The following IRAK2 variants were observed in gnomAD, a reference collection of about 807,000 sequenced individuals.
The protein encoded by IRAK2 is interleukin-1 receptor-associated kinase-like 2.
Under a neutral mutation model 72.0 loss-of-function variants are expected in IRAK2, and 57 were observed. That is an observed-to-expected ratio of 0.79 (90% CI 0.64 to 0.99). The LOEUF (loss-of-function observed/expected upper bound fraction) is 0.99, where lower values mean the gene tolerates loss of function less well. Among genes scored for constraint, IRAK2 ranks in the 50% least tolerant of loss-of-function variants. The pLI, the probability that IRAK2 is intolerant of heterozygous loss-of-function variation, is 0.00. For synonymous variants in IRAK2, 293 were observed against 312.7 expected, an observed-to-expected ratio of 0.94 and a Z score of 0.67; for missense variants, 790 against 794.4, an observed-to-expected ratio of 0.99 and a Z score of 0.07.
intron 12 of IRAK2, among the ~76,000 whole-genome samples, chr3:10,239,437 G>C (rs1182170010): frequency 6.6e-6 from 1 of 152,212 alleles, no homozygotes; most frequent in Non-Finnish European, 1.5e-5. Context: ...GGCCAGGCGA[G>C]GTGGCTCACA....
At chr3:10,215,138 G>C (rs1697582061) in intron 6 of IRAK2, among the ~76,000 whole-genome samples, 1 of 151,836 alleles carries the variant, frequency 6.6e-6, no homozygotes, top group Non-Finnish European at 1.5e-5. Flanking sequence ...TGTAATGCCA[G>C]CACTTTGGGA....
At chr3:10,205,071 C>G (rs1358229334) in intron 3 of IRAK2, among the ~76,000 whole-genome samples, 1 of 152,134 alleles carries the variant, frequency 6.6e-6, no homozygotes, top group African/African-American at 2.4e-5. Flanking sequence ...CCCTCCATGT[C>G]CCCATCAGCT....
chr3:10,184,734 T>TTG (rs1697020473), intron 2 of IRAK2, among the ~76,000 whole-genome samples: 1 of 138,764 alleles, frequency 7.2e-6, no homozygotes, highest in Non-Finnish European at 1.5e-5. Flanking sequence ...TTTTTTTTTT[T>TTG]TTTTTTTTTT....
intron 2 of IRAK2, 35 bp from the exon 3 acceptor site, chr3:10,200,334 G>T: frequency 6.5e-7 from 1 of 1,543,220 alleles, no homozygotes; most frequent in South Asian, 1.2e-5. Flanking sequence ...CCACTTCATG[G>T]AATAGTAATA....
Position 10,208,963 on chromosome 3 carries a change from G to A in IRAK2, c.425-626G>A, listed in dbSNP as rs536361738. On this transcript the variant is annotated intron_variant, in intron 3 of 12. Coordinates refer to ENST00000256458, the MANE Select transcript of IRAK2 (RefSeq NM_001570.4). ...CTAGATGTTAACTTACTCCAGCCCC[G>A]GGCCCTTCTACTGCCCCACCTCTGC... 8.6e-5 allele frequency among the ~76,000 whole-genome samples: 13 copies of A among 151,996 alleles called. No individual in the cohort carries two copies. In the East Asian group the frequency reaches 1.7e-3, roughly 20 times the overall value.
chr3:10,217,034 A>G lies in IRAK2; in HGVS notation c.889A>G (p.Arg297Gly). Residue 297 changes from arginine to glycine, a missense_variant, in exon 7 of 13, where the codon AGA (arginine) becomes GGA (glycine). Physicochemically the swap from Arg to Gly is moderately radical, Grantham distance 125. Transcript: ENST00000256458. ...PYMANGSLQD[R>G]LQGQGGSDPL... ...CATGGCAAATGGTTCCCTACAGGAC[A>G]GACTGCAGGGTCAGGTAAGGGACTG... The G allele has an allele frequency of 6.2e-7, 1 of 1,610,232 alleles. No homozygotes were observed. The highest frequency in any genetic ancestry group is 8.5e-7 in the Non-Finnish European group (1 of 1,176,448).
At chr3:10,232,878 AC>A (rs1303708567) in intron 10 of IRAK2, among the ~76,000 whole-genome samples, 2 of 152,098 alleles carry the variant, frequency 1.3e-5, no homozygotes, top group African/African-American at 4.8e-5. Context: ...AGCCTGGGCA[AC>A]ATAATGAGAC....
intron 2 of IRAK2, among the ~76,000 whole-genome samples, chr3:10,185,267 C>T (rs1371906276): frequency 6.6e-6 from 1 of 151,212 alleles, no homozygotes; most frequent in Non-Finnish European, 1.5e-5. Context: ...AGTTTAAGAA[C>T]CACTGCTCGG....
At chr3:10,184,764 C>G (rs1697021607) in intron 2 of IRAK2, among the ~76,000 whole-genome samples, 1 of 126,674 alleles carries the variant, frequency 7.9e-6, no homozygotes, top group Non-Finnish European at 1.6e-5. Context: ...GAGCCTTGCT[C>G]TGTCGCCCAG....
intron 3 of IRAK2, among the ~76,000 whole-genome samples, chr3:10,202,285 T>C (rs898613420): frequency 3.9e-5 from 6 of 152,196 alleles, no homozygotes; most frequent in African/African-American, 7.2e-5. Flanking sequence ...GTAATAGGCA[T>C]AGCAGTTCCT....
At chr3:10,237,006 C>T (rs1189256165) in intron 11 of IRAK2, among the ~76,000 whole-genome samples, 1 of 152,146 alleles carries the variant, frequency 6.6e-6, no homozygotes, top group Non-Finnish European at 1.5e-5. Context: ...GTTGCTCAGG[C>T]CATCACACCT....
chr3:10,176,714 C>G (rs9823433), intron 1 of IRAK2, among the ~76,000 whole-genome samples: 1 of 151,390 alleles, frequency 6.6e-6, no homozygotes, highest in African/African-American at 2.4e-5. Context: ...CCTGACCTTG[C>G]GATCTGCCCG....
At chr3:10,168,190 C>T (rs925617183) in intron 1 of IRAK2, among the ~76,000 whole-genome samples, 2 of 151,442 alleles carry the variant, frequency 1.3e-5, no homozygotes, top group African/African-American at 4.9e-5. Flanking sequence ...TCCTTGTCAA[C>T]ATGTGTTATT....
At chr3:10,171,284 C>A (rs542594022) in intron 1 of IRAK2, among the ~76,000 whole-genome samples, 1 of 152,296 alleles carries the variant, frequency 6.6e-6, no homozygotes, top group African/African-American at 2.4e-5. Context: ...CTTTGCCCTG[C>A]CCAGCTGTGT....
At chr3:10,215,854 C>T (rs1248972071) in intron 6 of IRAK2, among the ~76,000 whole-genome samples, 2 of 152,062 alleles carry the variant, frequency 1.3e-5, no homozygotes, top group African/African-American at 4.8e-5. Flanking sequence ...TTCATGGAGT[C>T]GGCAGTCACT....
At chr3:10,232,467 T>C (rs1697876100) in intron 10 of IRAK2, among the ~76,000 whole-genome samples, 1 of 152,136 alleles carries the variant, frequency 6.6e-6, no homozygotes, top group African/African-American at 2.4e-5. Context: ...CCGATCAGTG[T>C]GTTAAGGTTT....
intron 10 of IRAK2, among the ~76,000 whole-genome samples, chr3:10,227,675 G>GTTT (rs561705376): frequency 0.22 from 32,042 of 146,952 alleles, 4,517 homozygotes; most frequent in East Asian, 0.63. Context: ...TTTTTTTTTT[G>GTTT]TTTTTGTTTT....
chr3:10,192,296 G>A (rs1036587707), intron 2 of IRAK2, among the ~76,000 whole-genome samples: 8 of 152,072 alleles, frequency 5.3e-5, no homozygotes, highest in Non-Finnish European at 1.0e-4. Context: ...GGGTTGGGGG[G>A]AATTTCCAGA....
At chr3:10,204,528 C>T (rs949398101) in intron 3 of IRAK2, among the ~76,000 whole-genome samples, 5 of 152,136 alleles carry the variant, frequency 3.3e-5, no homozygotes, top group Admixed American at 2.6e-4. Flanking sequence ...GCAGTCGGAT[C>T]ACCTCAGGTC....
Sources: gnomAD v4.1 joint callset for allele counts (sites outside exome capture counted in the v4.1 genomes callset) on GRCh38, gnomAD v4.1.1 for gene constraint, MANE v1.5 for transcripts, NCBI Gene and HGNC (gene_info 2026-07-23, HGNC 2026-07-21) for gene names.